CNTNAP2: variants seen among roughly 807,000 people sequenced by gnomAD.
CNTNAP2 encodes contactin-associated protein-like 2.
In CNTNAP2, 98 loss-of-function variants were observed where a neutral mutation model predicts 155.2. The ratio of observed to expected loss-of-function variants is 0.63; its 90% CI spans 0.54 to 0.75. The LOEUF is 0.75. Among genes scored for constraint, CNTNAP2 ranks in the 30% least tolerant of loss-of-function variants. The probability of loss-of-function intolerance (pLI) is 0.00; values close to 1 mark genes in which losing one functional copy is unlikely to be tolerated. For synonymous variants in CNTNAP2, 651 were observed against 631.2 expected, an observed-to-expected ratio of 1.03 and a Z score of -0.47; for missense variants, 1,727 against 1,688.1, an observed-to-expected ratio of 1.02 and a Z score of -0.40.
intron 12 of CNTNAP2, among the ~76,000 whole-genome samples, chr7:147,612,470 G>A (rs1368791443): frequency 1.4e-5 from 2 of 147,684 alleles, no homozygotes; most frequent in Admixed American, 6.9e-5. Context: ...GCCTGATCTC[G>A]GCTCACCACA....
At chr7:146,975,128 A>G (rs1263848634) in intron 3 of CNTNAP2, among the ~76,000 whole-genome samples, 5 of 152,110 alleles carry the variant, frequency 3.3e-5, no homozygotes, top group African/African-American at 1.2e-4. Flanking sequence ...TGAAAAATGG[A>G]CTCTGAAGGG....
intron 9 of CNTNAP2, among the ~76,000 whole-genome samples, chr7:147,317,800 A>ATATATATATATGTG (rs57686568): frequency 6.7e-6 from 1 of 148,508 alleles, no homozygotes; most frequent in African/African-American, 2.5e-5. Flanking sequence ...GTGTGTGTGT[A>ATATATATATATGTG]TATGTATATA....
intron 1 of CNTNAP2, among the ~76,000 whole-genome samples, chr7:146,451,039 C>T (rs753212865): frequency 3.3e-5 from 5 of 152,128 alleles, no homozygotes; most frequent in Admixed American, 6.6e-5. Context: ...CTCTGACCCC[C>T]GGGTTCACGC....
chr7:147,622,335 A>ATTCT (rs1209843375), intron 12 of CNTNAP2, among the ~76,000 whole-genome samples: 5 of 152,074 alleles, frequency 3.3e-5, no homozygotes, highest in Non-Finnish European at 5.9e-5. Flanking sequence ...CAGATCACAC[A>ATTCT]TTCTTTCCCT....
chr7:146,256,518 T>G (rs1261819537), intron 1 of CNTNAP2, among the ~76,000 whole-genome samples: 2 of 151,882 alleles, frequency 1.3e-5, no homozygotes, highest in Non-Finnish European at 2.9e-5. Context: ...AGTTAAGATA[T>G]TAAAAATATA....
intron 1 of CNTNAP2, among the ~76,000 whole-genome samples, chr7:146,213,000 A>G (rs1196674573): frequency 6.6e-6 from 1 of 152,194 alleles, no homozygotes; most frequent in East Asian, 1.9e-4. Context: ...AAGTGCTCTC[A>G]ACAGTGTAGC....
At chr7:147,476,299 G>T (rs1365274483) in intron 10 of CNTNAP2, among the ~76,000 whole-genome samples, 1 of 151,876 alleles carries the variant, frequency 6.6e-6, no homozygotes, top group Non-Finnish European at 1.5e-5. Context: ...TAGAGATGGG[G>T]TTTCACCGTG....
chr7:146,718,377 T>C (rs1218926965), intron 1 of CNTNAP2, among the ~76,000 whole-genome samples: 1 of 152,134 alleles, frequency 6.6e-6, no homozygotes, highest in Non-Finnish European at 1.5e-5. Flanking sequence ...TTCTGTGGCT[T>C]GTTCACAGCC....
intron 1 of CNTNAP2, among the ~76,000 whole-genome samples, chr7:146,401,451 T>A (rs1438523898): frequency 6.6e-6 from 1 of 152,184 alleles, no homozygotes; most frequent in Non-Finnish European, 1.5e-5. Context: ...GAGGCTTCTA[T>A]GTTCCCTCAT....
At chr7:146,915,220 T>C (rs1180416817) in intron 3 of CNTNAP2, among the ~76,000 whole-genome samples, 3 of 152,128 alleles carry the variant, frequency 2.0e-5, no homozygotes, top group Non-Finnish European at 4.4e-5. Flanking sequence ...TATGGCCTTA[T>C]AGTATAGGTT....
At chr7:147,164,358 A>G (rs559800552) in intron 8 of CNTNAP2, among the ~76,000 whole-genome samples, 1 of 152,360 alleles carries the variant, frequency 6.6e-6, no homozygotes, top group South Asian at 2.1e-4. Context: ...TAAACCAAGT[A>G]GTTAGGCTCT....
At chr7:147,428,423 C>A (rs2620484) in intron 10 of CNTNAP2, among the ~76,000 whole-genome samples, 120,408 of 152,006 alleles carry the variant, frequency 0.79, 48,277 homozygotes, top group African/African-American at 0.93. Flanking sequence ...ACTTTTCTTT[C>A]ATCTCATACT....
intron 1 of CNTNAP2, among the ~76,000 whole-genome samples, chr7:146,702,027 A>G (rs2129173382): frequency 1.3e-5 from 2 of 152,294 alleles, no homozygotes; most frequent in East Asian, 1.9e-4. Flanking sequence ...ACATGCAGCT[A>G]TATTGTACTT....
At chr7:146,888,941 A>G (rs1795726036) in intron 3 of CNTNAP2, among the ~76,000 whole-genome samples, 2 of 152,128 alleles carry the variant, frequency 1.3e-5, no homozygotes, top group South Asian at 4.1e-4. Context: ...GCCTATAGCT[A>G]ATGATACTAC....
chr7:148,071,214 C>T (rs1225852036), intron 15 of CNTNAP2, among the ~76,000 whole-genome samples: 7 of 152,098 alleles, frequency 4.6e-5, no homozygotes, highest in Non-Finnish European at 8.8e-5. Context: ...CAGTGGCTCA[C>T]GCCTGTAATC....
intron 5 of CNTNAP2, among the ~76,000 whole-genome samples, chr7:147,116,198 G>A (rs1165148214): frequency 6.6e-6 from 1 of 152,154 alleles, no homozygotes; most frequent in Non-Finnish European, 1.5e-5. Context: ...GCTTCCTCTG[G>A]AAGTTCCATG....
chr7:147,268,254 A>T (rs1191710118), intron 8 of CNTNAP2, among the ~76,000 whole-genome samples: 2 of 137,016 alleles, frequency 1.5e-5, no homozygotes, highest in South Asian at 2.3e-4. Flanking sequence ...TTCGACACTC[A>T]TTCACTTCAA....
At chr7:146,679,308 A>G (rs1381410303) in intron 1 of CNTNAP2, among the ~76,000 whole-genome samples, 1 of 146,496 alleles carries the variant, frequency 6.8e-6, no homozygotes, top group Non-Finnish European at 1.5e-5. Flanking sequence ...TATGGCCTCT[A>G]GCTCCATCCA....
chr7:147,092,227 C>G (rs1800422973), intron 4 of CNTNAP2, among the ~76,000 whole-genome samples: 1 of 152,176 alleles, frequency 6.6e-6, no homozygotes, highest in Non-Finnish European at 1.5e-5. Context: ...AGTTCCTTTC[C>G]CAATGACCCC....
Sources: allele counts gnomAD v4.1 joint callset (sites outside exome capture counted in the v4.1 genomes callset), GRCh38; gene constraint gnomAD v4.1.1; transcripts MANE v1.5; gene names NCBI Gene and HGNC (gene_info 2026-07-23, HGNC 2026-07-21).